RCBTB1: variants seen among roughly 807,000 people sequenced by gnomAD.
RCBTB1 encodes RCC1 and BTB domain-containing protein 1.
A neutral mutation model predicts 62.4 loss-of-function variants in RCBTB1; 46 were observed. The observed-to-expected ratio is 0.74, with a 90% CI of 0.58 to 0.94. The LOEUF (loss-of-function observed/expected upper bound fraction) is 0.94, where lower values mean the gene tolerates loss of function less well. Among genes scored for constraint, RCBTB1 ranks in the 40% least tolerant of loss-of-function variants. RCBTB1 has a pLI of 0.00. For synonymous variants in RCBTB1, 222 were observed against 245.8 expected, an observed-to-expected ratio of 0.90 and a Z score of 0.91; for missense variants, 565 against 654.9, an observed-to-expected ratio of 0.86 and a Z score of 1.50.
chr13:49,551,731 T>C (rs1389212467), intron 7 of RCBTB1, among the ~76,000 whole-genome samples: 1 of 152,098 alleles, frequency 6.6e-6, no homozygotes, highest in African/African-American at 2.4e-5. Flanking sequence ...AAACCCCGTC[T>C]CTACTAAAAA....
chr13:49,568,276 A>G (rs1963160266), intron 2 of RCBTB1, among the ~76,000 whole-genome samples: 1 of 152,204 alleles, frequency 6.6e-6, no homozygotes, highest in South Asian at 2.1e-4. Context: ...TCGATTTAGC[A>G]ATTTACCTTA....
At position 49,576,140 on chromosome 13, in the gene RCBTB1, T is replaced by C. The variant is rs921100735; in HGVS notation, c.-42+4365A>G. On this transcript the variant is annotated intron_variant, in intron 2 of 12. Coordinates refer to ENST00000378302, the MANE Select transcript of RCBTB1 (RefSeq NM_018191.4). ...AGGCGGAGCTTGCAGTGAGCCAAGA[T>C]TGCACCACTGCACTCCAGCCTGGGC... Among the ~76,000 whole-genome samples the C allele has an allele frequency of 6.4e-5, 8 of 125,388 alleles. No individual in the cohort carries two copies. The Admixed American group carries it at 6.7e-4, about 11-fold the overall frequency. The allele number at this position is 125,388 out of a possible 152,430, so 82.3% of individuals were successfully genotyped here.
intron 6 of RCBTB1, among the ~76,000 whole-genome samples, chr13:49,555,115 T>C (rs1424144390): frequency 6.6e-6 from 1 of 152,178 alleles, no homozygotes; most frequent in Admixed American, 6.5e-5. Flanking sequence ...CTGTGAACAT[T>C]CAAGATATAG....
intron 8 of RCBTB1, chr13:49,549,856 A>T: frequency 2.0e-6 from 2 of 985,408 alleles, no homozygotes; most frequent in Non-Finnish European, 2.4e-6. Flanking sequence ...TCTCATCCTC[A>T]GCTCACTGTG....
intron 1 of RCBTB1, among the ~76,000 whole-genome samples, chr13:49,583,386 A>G (rs200201778): frequency 2.7e-5 from 4 of 149,938 alleles, no homozygotes; most frequent in South Asian, 2.1e-4. Context: ...GCTTTTGTGT[A>G]TGTGTGTGTG....
intron 4 of RCBTB1, among the ~76,000 whole-genome samples, chr13:49,565,661 C>T (rs1962916583): frequency 1.1e-5 from 1 of 89,486 alleles, no homozygotes; most frequent in Admixed American, 9.2e-5. Context: ...GCGTCTCTGC[C>T]CGGCCGCCCC....
intron 4 of RCBTB1, among the ~76,000 whole-genome samples, chr13:49,564,880 G>A (rs1288996369): frequency 8.8e-5 from 13 of 146,956 alleles, no homozygotes; most frequent in African/African-American, 3.1e-4. Context: ...GACAGAGAGA[G>A]ACTCCGTCTC....
rs766414174 is a variant in RCBTB1, at chr13:49,551,453, C to T, written c.727G>A (p.Ala243Thr). 2.1e-5 allele frequency: 34 copies of T among 1,613,900 alleles called. No individual in the cohort carries two copies. Among genetic ancestry groups the T allele is most frequent in the African/African-American group, 2.7e-5 (2 of 74,930 alleles). Residue 243 changes from alanine to threonine, a missense_variant, in exon 8 of 13, where the codon GCA becomes ACA. Transcript: ENST00000378302. ...TCATCTGTTAGTGCTAGAGTATGTG[C>T]GTAACCGCAGACAATCTGCAAGTAA... is the stretch of plus-strand genomic sequence containing the variant. ...VCVNQIVCGYAHTLALTDEGL... is the reference protein window; with the variant it reads ...VCVNQIVCGYTHTLALTDEGL...
intron 12 of RCBTB1, among the ~76,000 whole-genome samples, chr13:49,538,492 C>G (rs1021246151): frequency 6.6e-6 from 1 of 152,146 alleles, no homozygotes; most frequent in African/African-American, 2.4e-5. Flanking sequence ...GGGAGGGACA[C>G]TTGAGCCCAG....
intron 8 of RCBTB1, 36 bp downstream of exon 8, chr13:49,551,290 C>T: frequency 6.2e-7 from 1 of 1,608,950 alleles, no homozygotes. Flanking sequence ...GGCCACATCG[C>T]ACACACAGTC....
Position 49,541,684 on chromosome 13 carries a change from T to A in RCBTB1, c.1316A>T (p.Asp439Val). The change falls in exon 11 of 13, where the codon GAT (aspartate) becomes GTT (valine). Residue 439 changes from aspartate to valine, a missense_variant. Transcript: ENST00000378302. ...CAATGCTACCACAGTACCTATAGCA[T>A]CTTCTGGCGGCAGGTCGACTGTGTC... is the stretch of plus-strand genomic sequence containing the variant. ...YTDTVDLPPE[D>V]AIGLLDLATS... is the part of the protein sequence containing the mutation. 5 of 1,612,002 alleles carry A rather than the reference T, an allele frequency of 3.1e-6. No individual in the cohort carries two copies. The highest frequency in any genetic ancestry group is 1.1e-5 in the South Asian group (1 of 90,638).
intron 2 of RCBTB1, among the ~76,000 whole-genome samples, chr13:49,570,079 A>C (rs1237930227): frequency 2.0e-5 from 3 of 152,248 alleles, no homozygotes; most frequent in Admixed American, 2.0e-4. Flanking sequence ...TGGAATTATG[A>C]ACCATATCAA....
intron 2 of RCBTB1, among the ~76,000 whole-genome samples, chr13:49,573,379 T>C (rs989687779): frequency 2.6e-5 from 4 of 151,984 alleles, no homozygotes; most frequent in African/African-American, 9.7e-5. Flanking sequence ...AGCAGGGTTG[T>C]GGCCAGAAAA....
intron 10 of RCBTB1, 89 bp from the exon 11 acceptor site, chr13:49,541,916 T>G (rs1960394177): frequency 7.1e-7 from 1 of 1,414,788 alleles, no homozygotes; most frequent in Non-Finnish European, 9.4e-7. Context: ...TAAAATCAGA[T>G]AAACAGAAGT....
intron 4 of RCBTB1, among the ~76,000 whole-genome samples, chr13:49,562,955 A>C (rs1193845231): frequency 1.3e-5 from 2 of 151,816 alleles, no homozygotes; most frequent in African/African-American, 4.8e-5. Context: ...AAATATTACA[A>C]GAAGAAATTT....
chr13:49,552,086 A>T, intron 7 of RCBTB1, 92 bp downstream of exon 7: 1 of 806,402 alleles, frequency 1.2e-6, no homozygotes, highest in South Asian at 1.5e-5. Flanking sequence ...TTGCCAGAAA[A>T]GACTGACTGA....
chr13:49,556,424 A>T (rs1961880569), intron 5 of RCBTB1, among the ~76,000 whole-genome samples: 1 of 152,008 alleles, frequency 6.6e-6, no homozygotes, highest in Non-Finnish European at 1.5e-5. Flanking sequence ...TCTCCTGACC[A>T]CGTGGTCCAC....
chr13:49,541,922 G>C (rs1960394667), intron 10 of RCBTB1, 95 bp from the exon 11 acceptor site: 1 of 1,399,860 alleles, frequency 7.1e-7, no homozygotes, highest in Non-Finnish European at 9.5e-7. Context: ...CAGATAAACA[G>C]AAGTATCCTT....
intron 10 of RCBTB1, 94 bp from the exon 11 acceptor site, chr13:49,541,921 A>G: frequency 7.1e-7 from 1 of 1,403,974 alleles, no homozygotes; most frequent in South Asian, 1.4e-5. Context: ...TCAGATAAAC[A>G]GAAGTATCCT....
Sources: gnomAD v4.1 joint callset for allele counts (sites outside exome capture counted in the v4.1 genomes callset) on GRCh38, gnomAD v4.1.1 for gene constraint, MANE v1.5 for transcripts, NCBI Gene and HGNC (gene_info 2026-07-23, HGNC 2026-07-21) for gene names.